Variants in CCDC7 observed in about 807,000 individuals in gnomAD.
The protein encoded by CCDC7 is coiled-coil domain containing 7, also known as coiled-coil domain-containing protein 7.
CCDC7 carries 183 observed loss-of-function variants against 196.9 expected under a neutral mutation model. The observed-to-expected ratio is 0.93, with a 90% confidence interval of 0.82 to 1.05. CCDC7 has a LOEUF of 1.05. Among genes scored for constraint, CCDC7 ranks in the 50% least tolerant of loss-of-function variants. The pLI, the probability that CCDC7 is intolerant of heterozygous loss-of-function variation, is 0.00. For synonymous variants in CCDC7, 525 were observed against 484.6 expected, an observed-to-expected ratio of 1.08 and a Z score of -1.10; for missense variants, 1,540 against 1,482.2, an observed-to-expected ratio of 1.04 and a Z score of -0.64.
chr10:32,679,730 C>T (rs555521984), intron 21 of CCDC7, among the ~76,000 whole-genome samples: 2 of 152,214 alleles, frequency 1.3e-5, no homozygotes, highest in South Asian at 4.2e-4. Context: ...TGGGGGGTTG[C>T]ATGTTTGGGA....
chr10:32,512,219 G>C (rs112806139), intron 9 of CCDC7: 1 of 158,846 alleles, frequency 6.3e-6, no homozygotes, highest in Non-Finnish European at 1.4e-5. Context: ...CTAGTGTTCA[G>C]TCTTAGAGAT....
chr10:32,668,962 T>C (rs1457883922), intron 21 of CCDC7, among the ~76,000 whole-genome samples: 1 of 152,132 alleles, frequency 6.6e-6, no homozygotes, highest in African/African-American at 2.4e-5. Context: ...ATAAGCATCC[T>C]TGTCTTGTTT....
intron 18 of CCDC7, among the ~76,000 whole-genome samples, chr10:32,593,357 T>C (rs2059975987): frequency 6.6e-6 from 1 of 152,260 alleles, no homozygotes; most frequent in African/African-American, 2.4e-5. Context: ...TTTTGAGAAG[T>C]GTCTGTTCAT....
At chr10:32,817,366 G>A (rs1398693423) in intron 31 of CCDC7, among the ~76,000 whole-genome samples, 1 of 152,188 alleles carries the variant, frequency 6.6e-6, no homozygotes, top group Non-Finnish European at 1.5e-5. Context: ...TCTGATTGGT[G>A]TACCCGAAAG....
intron 8 of CCDC7, among the ~76,000 whole-genome samples, chr10:32,491,524 C>T (rs2042148900): frequency 6.6e-6 from 1 of 152,054 alleles, no homozygotes; most frequent in South Asian, 2.1e-4. Flanking sequence ...TAAAGCAGTT[C>T]TGTTTTAGTA....
intron 28 of CCDC7, among the ~76,000 whole-genome samples, chr10:32,766,120 G>A (rs1413711620): frequency 6.6e-6 from 1 of 151,940 alleles, no homozygotes; most frequent in African/African-American, 2.4e-5. Flanking sequence ...CATGTCAGAA[G>A]GTGGGACATG....
chr10:32,776,668 C>T (rs1347704278), intron 28 of CCDC7, among the ~76,000 whole-genome samples: 1 of 152,088 alleles, frequency 6.6e-6, no homozygotes, highest in East Asian at 1.9e-4. Flanking sequence ...TGAGATAATA[C>T]TTCAAAAGTA....
intron 8 of CCDC7, among the ~76,000 whole-genome samples, chr10:32,487,622 AC>A (rs1251120566): frequency 1.3e-5 from 2 of 151,916 alleles, no homozygotes; most frequent in Non-Finnish European, 2.9e-5. Flanking sequence ...GGTTTTATCT[AC>A]CTTTGGTCTT....
chr10:32,761,737 G>C (rs2077496879), intron 28 of CCDC7, among the ~76,000 whole-genome samples: 1 of 151,992 alleles, frequency 6.6e-6, no homozygotes, highest in South Asian at 2.1e-4. Flanking sequence ...GATATCTTCT[G>C]TTAAAATGAG....
intron 29 of CCDC7, among the ~76,000 whole-genome samples, chr10:32,781,301 C>T (rs2081028942): frequency 6.6e-6 from 1 of 152,102 alleles, no homozygotes; most frequent in Non-Finnish European, 1.5e-5. Context: ...CTTCCTAACT[C>T]ATTCTATGAG....
intron 18 of CCDC7, chr10:32,623,858 C>A (rs1174015822): frequency 8.4e-5 from 38 of 454,124 alleles, no homozygotes; most frequent in Non-Finnish European, 4.5e-6. Context: ...AGGTGCTACA[C>A]ACGTGAACAA....
Position 32,800,630 on chromosome 10 carries a change from C to T in CCDC7, c.3014-4385C>T, listed in dbSNP as rs111254334. Among the ~76,000 whole-genome samples, 691 of 152,252 alleles carry T rather than the reference C, an allele frequency of 4.5e-3. 3 individuals carry two copies. Among genetic ancestry groups the T allele is most frequent in the Middle Eastern group, 0.014 (4 of 294 alleles). ...TTCCCTTTCCCCTATGCACAGTTAC[C>T]CTAGTAAAAGGCTGGAGGTCTCTTT... is the stretch of plus-strand genomic sequence containing the variant. On this transcript the variant is annotated intron_variant, in intron 29 of 41. Transcript: ENST00000639629.
chr10:32,548,955 A>G lies in CCDC7; in HGVS notation c.1134+4654A>G, dbSNP rs561239384. 2.0e-5 allele frequency among the ~76,000 whole-genome samples: 3 copies of G among 152,216 alleles called. No homozygotes were observed. In the South Asian group the frequency reaches 6.2e-4, roughly 32 times the overall value. ...TAGTGGGATTGCTGGATCAAATGGT[A>G]GTTCTACTGTTAGTTCTTTAAGGAA... On this transcript the variant is annotated intron_variant, in intron 13 of 41. Coordinates refer to ENST00000639629, the Ensembl canonical transcript of CCDC7.
chr10:32,774,676 T>C (rs573428106), intron 28 of CCDC7, among the ~76,000 whole-genome samples: 1 of 152,314 alleles, frequency 6.6e-6, no homozygotes, highest in African/African-American at 2.4e-5. Flanking sequence ...CTGGGAGATC[T>C]TCTAGTCTGC....
Position 32,528,489 on chromosome 10 carries a change from T to A in CCDC7, c.993+9984T>A, listed in dbSNP as rs569530170. Among the ~76,000 whole-genome samples, 29 of 151,358 alleles carry A rather than the reference T, an allele frequency of 1.9e-4. No homozygotes were observed. In the South Asian group the frequency reaches 6.1e-3, roughly 32 times the overall value. ...TCATAGCTTAGGTCCCACTTATGAG[T>A]GAGAGCATACGGTGTTTGGTTTTCG... On this transcript the variant is annotated intron_variant, in intron 11 of 41. Coordinates refer to ENST00000639629, the Ensembl canonical transcript of CCDC7.
chr10:32,660,449 A>G (rs1425790664), intron 20 of CCDC7, among the ~76,000 whole-genome samples: 1 of 135,330 alleles, frequency 7.4e-6, no homozygotes, highest in African/African-American at 2.8e-5. Context: ...TACAAAGGAC[A>G]TGAACTCATC....
intron 11 of CCDC7, among the ~76,000 whole-genome samples, chr10:32,521,246 C>T (rs1200975602): frequency 6.6e-6 from 1 of 152,046 alleles, no homozygotes; most frequent in East Asian, 1.9e-4. Context: ...TTTTATATTT[C>T]TGTGAAGAAT....
rs1265106272 is a variant in CCDC7 at position 32,835,093 on chromosome 10, C to A, written c.3352+195C>A. Among the ~76,000 whole-genome samples the A allele has an allele frequency of 2.6e-5, 4 of 152,094 alleles. No individual in the cohort carries two copies. The East Asian group carries it at 7.7e-4, about 29-fold the overall frequency. ...GTTAGATATGATTAGTTTTAGAACT[C>A]ATTTACTGGTAAAGTAATCCATAAA... On this transcript the variant is annotated intron_variant, in intron 33 of 41. Coordinates refer to ENST00000639629, the Ensembl canonical transcript of CCDC7.
intron 26 of CCDC7, among the ~76,000 whole-genome samples, chr10:32,728,589 A>G (rs771825311): frequency 3.3e-5 from 5 of 152,172 alleles, no homozygotes; most frequent in Non-Finnish European, 7.3e-5. Flanking sequence ...TGTTTGGCCT[A>G]TGATTATATA....
Sources: allele counts gnomAD v4.1 joint callset (sites outside exome capture counted in the v4.1 genomes callset), GRCh38; gene constraint gnomAD v4.1.1; transcripts MANE v1.5; gene names NCBI Gene and HGNC (gene_info 2026-07-23, HGNC 2026-07-21).